The following JMJD1C variants were observed in gnomAD, a reference collection of about 807,000 sequenced individuals.
The protein encoded by JMJD1C is jumonji domain containing 1C.
Under a neutral mutation model 245.3 loss-of-function variants are expected in JMJD1C, and 31 were observed. The ratio of observed to expected loss-of-function variants is 0.13; its 90% CI spans 0.09 to 0.17. The LOEUF is 0.17. Among genes scored for constraint, JMJD1C ranks in the 10% least tolerant of loss-of-function variants. JMJD1C has a pLI of 1.00. For synonymous variants in JMJD1C, 1,057 were observed against 1,017.4 expected (o/e 1.04, Z -0.74); for missense variants, 2,691 against 3,000.2 (o/e 0.90, Z 2.41).
rs756849227 is a variant in JMJD1C at position 63,177,834 on chromosome 10, T to C, written c.7107A>G (p.Glu2369=). The change falls in exon 23 of 26, where the codon GAA becomes GAG. Residue 2369 remains glutamate, a synonymous_variant. Coordinates refer to ENST00000399262, the MANE Select transcript of JMJD1C (RefSeq NM_032776.3). ...TCCTTAAAATGTCATCCAAATCTTC[T>C]TCCTCAAATTTCTTGAGAATTCCTG... ...SKAGILKKFE[E]EDLDDILRKR... is the part of the protein sequence containing the mutation. 20 of 1,612,022 alleles carry C rather than the reference T, an allele frequency of 1.2e-5. No homozygotes were observed. Among genetic ancestry groups the C allele is most frequent in the Non-Finnish European group, 1.6e-5 (19 of 1,179,588 alleles).
intron 1 of JMJD1C, among the ~76,000 whole-genome samples, chr10:63,516,038 T>C (rs932522194): frequency 6.6e-6 from 1 of 152,184 alleles, no homozygotes; most frequent in Non-Finnish European, 1.5e-5. Flanking sequence ...TATCTATTTT[T>C]TTGTACTTTT....
upstream of JMJD1C, among the ~76,000 whole-genome samples, chr10:63,469,305 G>T (rs553378675): frequency 6.6e-6 from 1 of 152,128 alleles, no homozygotes; most frequent in Non-Finnish European, 1.5e-5. Flanking sequence ...CTTTACACAC[G>T]TAATCTCATT....
intron 3 of JMJD1C, chr10:63,222,683 G>A: frequency 6.5e-7 from 1 of 1,541,438 alleles, no homozygotes; most frequent in Admixed American, 1.7e-5. Flanking sequence ...GCATTCATTT[G>A]ATGGTACCAA....
At chr10:63,293,263 C>G (rs190838673) in intron 2 of JMJD1C, among the ~76,000 whole-genome samples, 91 of 152,232 alleles carry the variant, frequency 6.0e-4, no homozygotes, top group Non-Finnish European at 1.2e-3. Flanking sequence ...ACCATGGTCA[C>G]TCCATTTTAT....
At chr10:63,500,760 GA>G (rs1954527183) in intron 1 of JMJD1C, among the ~76,000 whole-genome samples, 1 of 147,984 alleles carries the variant, frequency 6.8e-6, no homozygotes, top group African/African-American at 2.6e-5. Context: ...TGGATGGATG[GA>G]TGGATGGATG....
In JMJD1C at chr10:63,281,528, T is replaced by C. The variant is rs950236840; in HGVS notation, c.334-16764A>G. On this transcript the variant is annotated intron_variant, in intron 2 of 25. Coordinates refer to ENST00000399262, the MANE Select transcript of JMJD1C (RefSeq NM_032776.3). ...CTCTGTGGCCCAGGCTGGAGTGTAG[T>C]GGTATGATCTCGGCTCACTGCGACC... 1.3e-4 allele frequency among the ~76,000 whole-genome samples: 16 copies of C among 123,674 alleles called. No homozygotes were observed. In the East Asian group the frequency reaches 3.5e-3, roughly 27 times the overall value. 81.1% of individuals were successfully genotyped at this position (123,674 alleles called of 152,430 possible).
intron 1 of JMJD1C, among the ~76,000 whole-genome samples, chr10:63,476,412 A>G (rs1374117582): frequency 2.0e-5 from 3 of 152,128 alleles, no homozygotes; most frequent in Admixed American, 1.3e-4. Flanking sequence ...ACGATTTACC[A>G]TAAAATGATG....
rs370590868 is a variant in JMJD1C, at chr10:63,295,959, A to ATGTG, written c.334-31199_334-31196dup. 8.5e-3 allele frequency among the ~76,000 whole-genome samples: 766 copies of ATGTG among 89,810 alleles called. 22 individuals are homozygous for ATGTG. Among genetic ancestry groups the ATGTG allele is most frequent in the East Asian group, 0.01 (34 of 3,264 alleles). 58.9% of individuals were successfully genotyped at this position (89,810 alleles called of 152,430 possible). A position where few individuals can be genotyped will look rare whatever the true frequency, so the allele number is the denominator to read the frequency against. Reference sequence around the variant, plus strand: ...TATACATATATATATATACACGTATATGTGTGTGTGTGTGTGTGTGTGTGT... The same window carrying ATGTG: ...TATACATATATATATATACACGTATATGTGTGTGTGTGTGTGTGTGTGTGTGTGT... On this transcript the variant is annotated intron_variant, in intron 2 of 25. Coordinates refer to ENST00000399262, the MANE Select transcript of JMJD1C (RefSeq NM_032776.3).
intron 1 of JMJD1C, among the ~76,000 whole-genome samples, chr10:63,414,030 A>C (rs2132684402): frequency 7.0e-6 from 1 of 143,326 alleles, no homozygotes; most frequent in Admixed American, 7.2e-5. Flanking sequence ...ACTGTCGACC[A>C]GGCTGGAGTG....
At chr10:63,346,235 A>C (rs539008403) in intron 2 of JMJD1C, among the ~76,000 whole-genome samples, 2 of 152,290 alleles carry the variant, frequency 1.3e-5, no homozygotes, top group East Asian at 3.9e-4. Flanking sequence ...TTAAAGTGTG[A>C]TTAGATACTA....
In JMJD1C at chr10:63,225,550, G is replaced by A. The variant is rs1216907773; in HGVS notation, c.448-5567C>T. 2.6e-5 allele frequency among the ~76,000 whole-genome samples: 4 copies of A among 152,060 alleles called. No individual in the cohort carries two copies. In the East Asian group the frequency reaches 5.8e-4, roughly 22 times the overall value. ...TATAATCCCAGCACTTTGGGAGGCC[G>A]AGGCAGGTGGATCACCTGAGATTAG... On this transcript the variant is annotated intron_variant, in intron 3 of 25. Transcript: ENST00000399262.
chr10:63,398,213 T>C (rs1948624088), intron 1 of JMJD1C, among the ~76,000 whole-genome samples: 1 of 152,176 alleles, frequency 6.6e-6, no homozygotes, highest in African/African-American at 2.4e-5. Flanking sequence ...AAGGTCCACA[T>C]ATTGCAACTG....
chr10:63,175,215 A>G (rs1842770422), intron 24 of JMJD1C, among the ~76,000 whole-genome samples: 1 of 152,222 alleles, frequency 6.6e-6, no homozygotes, highest in Non-Finnish European at 1.5e-5. Context: ...TTTTCTGCTA[A>G]GAGTCTAGAA....
intron 3 of JMJD1C, among the ~76,000 whole-genome samples, chr10:63,236,321 G>A (rs1850725359): frequency 6.6e-6 from 1 of 152,066 alleles, no homozygotes; most frequent in African/African-American, 2.4e-5. Context: ...AGTGTCATTG[G>A]TATAAGGTCC....
In JMJD1C at chr10:63,275,394, A is replaced by C. The variant is rs958526079; in HGVS notation, c.334-10630T>G. Among the ~76,000 whole-genome samples the C allele has an allele frequency of 1.6e-4, 25 of 152,254 alleles. 1 individual carries two copies. The highest frequency in any genetic ancestry group is 1.6e-3 in the Admixed American group (25 of 15,284). ...AAAGTCACAAAGTACAAAGGAAAAG[A>C]AGTATGACATAAGTTTATGTATTTT... On this transcript the variant is annotated intron_variant, in intron 2 of 25. Transcript: ENST00000399262.
chr10:63,301,820 AAAAAT>A (rs557307158), intron 2 of JMJD1C: 2 of 417,046 alleles, frequency 4.8e-6, no homozygotes, highest in South Asian at 1.7e-5. Flanking sequence ...AAGTAAAATT[AAAAAT>A]AAAATAAAAC....
chr10:63,498,155 A>G (rs920125818), intron 1 of JMJD1C, among the ~76,000 whole-genome samples: 4 of 152,148 alleles, frequency 2.6e-5, no homozygotes, highest in African/African-American at 9.7e-5. Context: ...TAACATGACT[A>G]AAAAATAGCA....
At chr10:63,313,425 C>T (rs975404650) in intron 2 of JMJD1C, among the ~76,000 whole-genome samples, 2 of 152,118 alleles carry the variant, frequency 1.3e-5, no homozygotes, top group Non-Finnish European at 2.9e-5. Context: ...GTATCTTTTT[C>T]ATATAATGAC....
chr10:63,464,425 T>C (rs1393480118), intron 1 of JMJD1C, among the ~76,000 whole-genome samples: 1 of 144,542 alleles, frequency 6.9e-6, no homozygotes, highest in Non-Finnish European at 1.5e-5. Flanking sequence ...TTGTAAGCTT[T>C]CATGCACACA....
Sources: allele counts gnomAD v4.1 joint callset (sites outside exome capture counted in the v4.1 genomes callset), GRCh38; gene constraint gnomAD v4.1.1; transcripts MANE v1.5; gene names NCBI Gene and HGNC (gene_info 2026-07-23, HGNC 2026-07-21).